The following VGLL4 variants were observed in gnomAD, a reference collection of about 807,000 sequenced individuals.
The protein encoded by VGLL4 is transcription cofactor vestigial-like protein 4.
In VGLL4, 7 loss-of-function variants were observed where a neutral mutation model predicts 21.0. The ratio of observed to expected loss-of-function variants is 0.33; its 90% confidence interval spans 0.19 to 0.63. The LOEUF (loss-of-function observed/expected upper bound fraction) is 0.63. Among genes scored for constraint, VGLL4 ranks in the 20% least tolerant of loss-of-function variants. The pLI is 0.78. For synonymous variants in VGLL4, 222 were observed against 173.2 expected, an observed-to-expected ratio of 1.28 and a Z score of -2.21; for missense variants, 394 against 425.7, an observed-to-expected ratio of 0.93 and a Z score of 0.66.
chr3:11,659,335 T>C lies in VGLL4; in HGVS notation c.64+43636A>G, dbSNP rs1404042521. ...TTTTCTTTTTCTTTTTCTTTTTTTT[T>C]TTTTTTTTTTTTTGAGACAGAGTTT... On this transcript the variant is annotated intron_variant, in intron 2 of 5. Coordinates refer to the VGLL4 transcript ENST00000273038. 1.1e-4 allele frequency among the ~76,000 whole-genome samples: 15 copies of C among 141,812 alleles called. No individual in the cohort carries two copies. The East Asian group carries it at 1.6e-3, about 15-fold the overall frequency. 93.0% of individuals were successfully genotyped at this position (141,812 alleles called of 152,430 possible).
Position 11,558,632 on chromosome 3 carries a change from G to T in VGLL4, c.815C>A (p.Ala272Asp). Residue 272 changes from alanine to aspartate, a missense_variant, in exon 5 of 5, where the codon GCC becomes GAC. Ala to Asp is a moderately radical substitution (Grantham distance 126). Transcript: ENST00000430365. The part of the protein sequence containing the change: ...KDGASSSPES[A>D]SRRGQPASPS... ...GCTGGCGGGCTGGCCCCTGCGAGAG[G>T]CGGACTCAGGGCTGCTGGATGCTCC... 6.2e-7 allele frequency: 1 copy of T among 1,609,922 alleles called. No homozygotes were observed. Among genetic ancestry groups the T allele is most frequent in the South Asian group, 1.1e-5 (1 of 91,088 alleles).
chr3:11,616,701 G>GA (rs1363554313), intron 1 of VGLL4, among the ~76,000 whole-genome samples: 1 of 152,052 alleles, frequency 6.6e-6, no homozygotes, highest in Non-Finnish European at 1.5e-5. Context: ...AGGACTGGCA[G>GA]AAAAAAAATC....
intron 1 of VGLL4, among the ~76,000 whole-genome samples, chr3:11,603,161 A>G (rs904879000): frequency 2.0e-5 from 3 of 152,238 alleles, no homozygotes; most frequent in Non-Finnish European, 4.4e-5. Context: ...TACACATATG[A>G]CAAATATGAT....
chr3:11,586,794 C>CAAAT (rs1441834996), intron 2 of VGLL4, among the ~76,000 whole-genome samples: 1 of 152,148 alleles, frequency 6.6e-6, no homozygotes, highest in African/African-American at 2.4e-5. Flanking sequence ...CGGGAGCCCT[C>CAAAT]AAATAATCTT....
intron 2 of VGLL4, among the ~76,000 whole-genome samples, chr3:11,652,513 C>T (rs929395106): frequency 2.6e-5 from 4 of 152,102 alleles, no homozygotes; most frequent in African/African-American, 2.4e-5. Flanking sequence ...TTCTGCCCCC[C>T]GGGTTCAAGC....
At position 11,565,653 on chromosome 3, in the gene VGLL4, C is replaced by G. The variant is rs1175634255; in HGVS notation, c.273-634G>C. Among the ~76,000 whole-genome samples, 1 of 152,214 alleles carries G rather than the reference C, an allele frequency of 6.6e-6. No homozygotes were observed. The highest frequency in any genetic ancestry group is 2.4e-5 in the African/African-American group (1 of 41,466). On this transcript the variant is annotated intron_variant, in intron 2 of 4. Transcript: ENST00000430365. The surrounding 1 kb of genome is among the most constrained non-coding windows in gnomAD (Gnocchi z 4.1). ...TGCTGTAGGGAGCCGGCGCGCAGCT[C>G]TCTCGTCCAGGACACACGAGCAGGA...
At chr3:11,624,331 A>G (rs1220037628) in intron 1 of VGLL4, among the ~76,000 whole-genome samples, 2 of 152,180 alleles carry the variant, frequency 1.3e-5, no homozygotes, top group African/African-American at 4.8e-5. Flanking sequence ...ACGTGTCAGC[A>G]GTGACGTGGC....
intron 2 of VGLL4, among the ~76,000 whole-genome samples, chr3:11,689,948 CCT>C (rs562677384): frequency 1.2e-4 from 18 of 152,204 alleles, no homozygotes; most frequent in Non-Finnish European, 2.2e-4. Context: ...TCCCAGGACC[CCT>C]GTTACTGCAG....
chr3:11,629,746 C>CAAAAAAA (rs10609918), intron 1 of VGLL4, among the ~76,000 whole-genome samples: 2 of 85,362 alleles, frequency 2.3e-5, no homozygotes, highest in African/African-American at 4.7e-5. Context: ...AGACGGGTCT[C>CAAAAAAA]AAAAAAAAAA....
intron 2 of VGLL4, among the ~76,000 whole-genome samples, chr3:11,689,413 G>C (rs1418945471): frequency 6.6e-6 from 1 of 152,066 alleles, no homozygotes; most frequent in Non-Finnish European, 1.5e-5. Flanking sequence ...AATTCTATTT[G>C]CTTCTCAAGC....
chr3:11,582,266 A>G, intron 2 of VGLL4: 1 of 1,605,606 alleles, frequency 6.2e-7, no homozygotes, highest in Non-Finnish European at 8.5e-7. Flanking sequence ...GAATAAAATG[A>G]AAGGGTTCTT....
chr3:11,593,970 A>T (rs1012637384), intron 2 of VGLL4, among the ~76,000 whole-genome samples: 1 of 152,202 alleles, frequency 6.6e-6, no homozygotes, highest in African/African-American at 2.4e-5. Flanking sequence ...GCTCTGCCCT[A>T]TTCTGTGGCC....
At chr3:11,701,437 C>G (rs1463341377) in intron 2 of VGLL4, among the ~76,000 whole-genome samples, 1 of 152,180 alleles carries the variant, frequency 6.6e-6, no homozygotes, top group Non-Finnish European at 1.5e-5. Flanking sequence ...ATCACCCAGT[C>G]TCAGGTATTC....
chr3:11,688,191 GA>G (rs1287731260), intron 2 of VGLL4, among the ~76,000 whole-genome samples: 1 of 152,060 alleles, frequency 6.6e-6, no homozygotes, highest in Non-Finnish European at 1.5e-5. Flanking sequence ...TTGCTAGCCT[GA>G]ATTTTATTTA....
intron 2 of VGLL4, among the ~76,000 whole-genome samples, chr3:11,668,369 T>A (rs1463837067): frequency 6.6e-6 from 1 of 152,184 alleles, no homozygotes; most frequent in Non-Finnish European, 1.5e-5. Context: ...GAAATTTGCT[T>A]ATTCAAATGA....
At chr3:11,591,779 G>A (rs1248846231) in intron 2 of VGLL4, among the ~76,000 whole-genome samples, 1 of 152,230 alleles carries the variant, frequency 6.6e-6, no homozygotes, top group African/African-American at 2.4e-5. Flanking sequence ...CCTCAGGAAG[G>A]CAGGTTACAA....
At chr3:11,685,331 T>C (rs995067762) in intron 2 of VGLL4, among the ~76,000 whole-genome samples, 1 of 152,018 alleles carries the variant, frequency 6.6e-6, no homozygotes, top group Non-Finnish European at 1.5e-5. Flanking sequence ...CCTGAGTAGC[T>C]GGGAATACAG....
At chr3:11,578,080 A>T (rs1321917030) in intron 2 of VGLL4, among the ~76,000 whole-genome samples, 1 of 152,216 alleles carries the variant, frequency 6.6e-6, no homozygotes. Context: ...TTTCTGAACG[A>T]AACACCAGCG....
At chr3:11,577,208 G>A (rs12632852) in intron 2 of VGLL4, among the ~76,000 whole-genome samples, 68,580 of 152,134 alleles carry the variant, frequency 0.45, 17,574 homozygotes, top group Non-Finnish European at 0.6. Context: ...TCGTTCTTGC[G>A]ACTGGCACTG....
Sources: allele counts gnomAD v4.1 joint callset (sites outside exome capture counted in the v4.1 genomes callset), GRCh38; gene constraint gnomAD v4.1.1; non-coding constraint Gnocchi (gnomAD v3.1); transcripts MANE v1.5; gene names NCBI Gene and HGNC (gene_info 2026-07-23, HGNC 2026-07-21).